The following DCP1B variants were observed in gnomAD, a reference collection of about 807,000 sequenced individuals.
DCP1B encodes mRNA-decapping enzyme 1B.
A neutral mutation model predicts 60.5 loss-of-function variants in DCP1B; 47 were observed. That is an observed-to-expected ratio of 0.78 (90% confidence interval 0.61 to 0.99). The LOEUF (loss-of-function observed/expected upper bound fraction) is 0.99, where lower values mean the gene tolerates loss of function less well. Among genes scored for constraint, DCP1B ranks in the 50% least tolerant of loss-of-function variants. The pLI is 0.00. For missense variants in DCP1B, 725 were observed against 756.8 expected, an observed-to-expected ratio of 0.96 and a Z score of 0.49; for synonymous variants, 267 against 280.3, an observed-to-expected ratio of 0.95 and a Z score of 0.47.
chr12:1,985,876 T>C (rs1183581597), intron 3 of DCP1B, among the ~76,000 whole-genome samples: 1 of 152,162 alleles, frequency 6.6e-6, no homozygotes, highest in Non-Finnish European at 1.5e-5. Flanking sequence ...AGTGGTGCGA[T>C]CTTGGCTCAC....
At chr12:1,983,379 C>G (rs11062041) in intron 3 of DCP1B, among the ~76,000 whole-genome samples, 48,659 of 151,698 alleles carry the variant, frequency 0.32, 8,077 homozygotes, top group East Asian at 0.51. Flanking sequence ...GTATTTGATG[C>G]TATAAATTTC....
At position 1,948,331 on chromosome 12, in the gene DCP1B, A is replaced by T. The variant is rs2030519393; in HGVS notation, c.1773+755T>A. 6.6e-6 allele frequency among the ~76,000 whole-genome samples: 1 copy of T among 152,162 alleles called. No homozygotes were observed. The highest frequency in any genetic ancestry group is 2.4e-5 in the African/African-American group (1 of 41,442). On this transcript the variant is annotated intron_variant, in intron 8 of 8. Coordinates refer to ENST00000280665, the MANE Select transcript of DCP1B (RefSeq NM_152640.5). This position sits in a 1 kb window ranked among gnomAD's most constrained non-coding sequence, Gnocchi z 4.8. ...GGCACTCGGGGGCCAGGCTGGGTGC[A>T]TCCCAGCCCTGCTTATGTACGAGCT...
intron 2 of DCP1B, among the ~76,000 whole-genome samples, chr12:1,997,311 G>A (rs555374542): frequency 2.4e-4 from 37 of 152,250 alleles, no homozygotes; most frequent in African/African-American, 7.0e-4. Context: ...GGTGGATCAC[G>A]AGGTCAGGAG....
intron 7 of DCP1B, chr12:1,950,173 A>C (rs2030610741): frequency 1.7e-6 from 1 of 585,540 alleles, no homozygotes; most frequent in East Asian, 2.8e-5. Context: ...AGTTGCTGTA[A>C]TTTTATAATC....
At chr12:1,968,344 C>G (rs1304097436) in intron 3 of DCP1B, among the ~76,000 whole-genome samples, 3 of 147,492 alleles carry the variant, frequency 2.0e-5, no homozygotes, top group Non-Finnish European at 4.5e-5. Flanking sequence ...AAGAGGGAAA[C>G]TCTGTCTCAA....
chr12:1,977,806 A>G (rs1406885555), intron 3 of DCP1B, among the ~76,000 whole-genome samples: 1 of 152,196 alleles, frequency 6.6e-6, no homozygotes, highest in Non-Finnish European at 1.5e-5. Context: ...TTGTTCTCTA[A>G]ATTTGACTTT....
At position 1,953,190 on chromosome 12, in the gene DCP1B, G is replaced by T; in HGVS notation, c.750C>A (p.Leu250=). 6.2e-7 allele frequency: 1 copy of T among 1,610,526 alleles called. No individual in the cohort carries two copies. Among genetic ancestry groups the T allele is most frequent in the Non-Finnish European group, 8.5e-7 (1 of 1,179,556 alleles). Residue 250 remains leucine, a synonymous_variant, in exon 7 of 9, where the codon CTC becomes CTA. Coordinates refer to ENST00000280665, the MANE Select transcript of DCP1B (RefSeq NM_152640.5). The part of the protein sequence containing the change: ...CQETVEPPQT[L]HQQQQQQQQQ... Reference sequence around the variant, plus strand: ...GCTGCTGCTGCTGCTGCTGCTGGTGGAGAGTCTGCGGAGGCTCCACAGTTT... The same window carrying T: ...GCTGCTGCTGCTGCTGCTGCTGGTGTAGAGTCTGCGGAGGCTCCACAGTTT...
chr12:1,990,984 CA>C (rs58516806), intron 3 of DCP1B: 32,436 of 313,526 alleles, frequency 0.1, no homozygotes, highest in South Asian at 0.18. Flanking sequence ...ATAGAAAGGA[CA>C]AAAAAAAAAA....
rs759324264 is a variant in DCP1B at position 1,971,070 on chromosome 12, G to C, written c.320-3160C>G. On this transcript the variant is annotated intron_variant, in intron 3 of 8. Transcript: ENST00000280665. The surrounding 1 kb of genome is among the most constrained non-coding windows in gnomAD (Gnocchi z 4.2). ...TACATCTGGAAATTCACAATGCTTC[G>C]AGCCTTTGTTCAGCCTGGTACGCCT... The C allele has an allele frequency of 4.7e-5, 61 of 1,288,200 alleles. No homozygotes were observed. The highest frequency in any genetic ancestry group is 7.4e-5 in the South Asian group (6 of 80,766). The allele number at this position is 1,288,200 out of a possible 1,614,324, so 79.8% of individuals were successfully genotyped here. A position where few individuals can be genotyped will look rare whatever the true frequency, so the allele number is the denominator to read the frequency against.
At chr12:1,972,998 C>T (rs982154860) in intron 3 of DCP1B, among the ~76,000 whole-genome samples, 4 of 152,222 alleles carry the variant, frequency 2.6e-5, no homozygotes, top group African/African-American at 7.2e-5. Flanking sequence ...CGGCTCTGTG[C>T]GGATTCTGTA....
chr12:1,992,826 A>G (rs531838666), intron 3 of DCP1B: 11 of 345,608 alleles, frequency 3.2e-5, no homozygotes, highest in Admixed American at 8.8e-5. Context: ...CACTCCTACA[A>G]TACAGGCCCT....
chr12:1,967,984 C>T (rs888147141), intron 3 of DCP1B, 74 bp from the exon 4 acceptor site: 2 of 1,155,500 alleles, frequency 1.7e-6, no homozygotes, highest in African/African-American at 3.1e-5. Context: ...TCCTTTCCAT[C>T]TTAAATACAT....
intron 3 of DCP1B, among the ~76,000 whole-genome samples, chr12:1,976,365 G>A (rs1190652369): frequency 6.6e-6 from 1 of 152,170 alleles, no homozygotes; most frequent in African/African-American, 2.4e-5. Flanking sequence ...TTAAATTTTG[G>A]TGGCTCTTCT....
At chr12:1,986,238 A>G (rs1273203012) in intron 3 of DCP1B, among the ~76,000 whole-genome samples, 2 of 152,166 alleles carry the variant, frequency 1.3e-5, no homozygotes, top group Non-Finnish European at 2.9e-5. Context: ...TGTTACATGT[A>G]TGTAGCTCAC....
intron 3 of DCP1B, among the ~76,000 whole-genome samples, chr12:1,979,843 T>A (rs2035590220): frequency 6.6e-6 from 1 of 152,230 alleles, no homozygotes; most frequent in African/African-American, 2.4e-5. Flanking sequence ...TTAATCTGCA[T>A]AGGTTTCCAA....
Position 1,949,179 on chromosome 12 carries a change from G to A in DCP1B, c.1680C>T (p.Leu560=). 1 of 1,614,208 alleles carries A rather than the reference G, an allele frequency of 6.2e-7. No homozygotes were observed. Among genetic ancestry groups the A allele is most frequent in the Admixed American group, 1.7e-5 (1 of 60,024 alleles). ...GQEPPAAATS[L]LLPIQSPEPS... ...GCTCCGGGCTCTGTATGGGCAGGAG[G>A]AGGCTGGTGGCAGCAGCAGGTGGCT... is the stretch of plus-strand genomic sequence containing the variant. Residue 560 remains leucine (L), a synonymous_variant, in exon 8 of 9, where the codon CTC becomes CTT. Coordinates refer to ENST00000280665, the MANE Select transcript of DCP1B (RefSeq NM_152640.5).
At position 1,971,882 on chromosome 12, in the gene DCP1B, T is replaced by G. The variant is rs895269102; in HGVS notation, c.320-3972A>C. On this transcript the variant is annotated intron_variant, in intron 3 of 8. Transcript: ENST00000280665. The surrounding 1 kb of genome is among the most constrained non-coding windows in gnomAD (Gnocchi z 4.2). ...TACCCAAATACCATACAACTCCAAA[T>G]CATGAATGATAGCTTGTAATCGTCT... Among the ~76,000 whole-genome samples the G allele has an allele frequency of 1.3e-5, 2 of 152,234 alleles. No individual in the cohort carries two copies. Among genetic ancestry groups the G allele is most frequent in the African/African-American group, 4.8e-5 (2 of 41,456 alleles).
At chr12:1,983,564 T>C (rs1016337845) in intron 3 of DCP1B, among the ~76,000 whole-genome samples, 2 of 152,090 alleles carry the variant, frequency 1.3e-5, no homozygotes, top group Non-Finnish European at 2.9e-5. Flanking sequence ...TCTAATTTAA[T>C]TCTATTGTGG....
chr12:1,952,529 G>A lies in DCP1B; in HGVS notation c.1411C>T (p.Pro471Ser). The A allele has an allele frequency of 5.0e-6, 8 of 1,614,178 alleles. No homozygotes were observed. Among genetic ancestry groups the A allele is most frequent in the Non-Finnish European group, 6.8e-6 (8 of 1,180,022 alleles). Residue 471 changes from proline (P) to serine (S), a missense_variant, in exon 7 of 9, where the codon CCA becomes TCA. Coordinates refer to ENST00000280665, the MANE Select transcript of DCP1B (RefSeq NM_152640.5). ...ACAGGAAACTTAGCGGCCAAGGCTG[G>A]CCGGTTAGAGGCATGCAGCTGCTGC... ...QEQQLHASNR[P>S]ALAAKFPVLA...
Sources: allele counts gnomAD v4.1 joint callset (sites outside exome capture counted in the v4.1 genomes callset), GRCh38; gene constraint gnomAD v4.1.1; non-coding constraint Gnocchi (gnomAD v3.1); transcripts MANE v1.5; gene names NCBI Gene and HGNC (gene_info 2026-07-23, HGNC 2026-07-21).